The following HACD1 variants were observed in gnomAD, a reference collection of about 807,000 sequenced individuals.
The protein encoded by HACD1 is very-long-chain (3R)-3-hydroxyacyl-CoA dehydratase 1.
A neutral mutation model predicts 32.0 loss-of-function variants in HACD1; 41 were observed. That is an observed-to-expected ratio of 1.28 (90% CI 1.00 to 1.66). HACD1 has a LOEUF of 1.66. HACD1 is among the 40% of genes most tolerant of loss of function. HACD1 has a pLI of 0.00. For synonymous variants in HACD1, 142 were observed against 139.0 expected, an observed-to-expected ratio of 1.02 and a Z score of -0.15; for missense variants, 396 against 380.1, an observed-to-expected ratio of 1.04 and a Z score of -0.35.
At position 17,617,244 on chromosome 10, in the gene HACD1, C is replaced by T. The variant is rs2131528268; in HGVS notation, c.96G>A (p.Thr32=). The change falls in exon 1 of 7, where the codon ACG becomes ACA. Residue 32 remains threonine, a synonymous_variant. Transcript: ENST00000361271. ...SPPTLLPLSP[T]SPRCAATMAS... ...CCATGGTGGCCGCGCACCTGGGGGA[C>T]GTGGGAGACAGCGGCAGGAGCGTGG... The T allele has an allele frequency of 4.0e-6, 6 of 1,481,512 alleles. No homozygotes were observed. Among genetic ancestry groups the T allele is most frequent in the Non-Finnish European group, 5.4e-6 (6 of 1,121,474 alleles). 91.8% of individuals were successfully genotyped at this position (1,481,512 alleles called of 1,614,324 possible).
In HACD1 at chr10:17,589,069, CT is replaced by C. The variant is rs1177550735; in HGVS notation, c.*1294del. ...TTTTTATTAAACACAAGGACAGGAA[CT>C]TTATTACAAGACCTTTTGCTATTCA... On this transcript the variant is annotated 3_prime_UTR_variant, in exon 7 of 7. Transcript: ENST00000361271. The C allele has an allele frequency of 1.3e-5, 2 of 152,038 alleles. No homozygotes were observed. The highest frequency in any genetic ancestry group is 2.9e-5 in the Non-Finnish European group (2 of 68,010). 9.4% of individuals were successfully genotyped at this position (152,038 alleles called of 1,614,324 possible). A position where few individuals can be genotyped will look rare whatever the true frequency, so the allele number is the denominator to read the frequency against.
At chr10:17,602,072 A>ATTT (rs374433598) in intron 4 of HACD1, among the ~76,000 whole-genome samples, 16 of 144,226 alleles carry the variant, frequency 1.1e-4, no homozygotes, top group South Asian at 2.2e-4. Flanking sequence ...CATGGGTTTA[A>ATTT]TTTTTTTTTT....
rs987768179 is a variant in HACD1, at chr10:17,617,160, C to A, written c.180G>T (p.Glu60Asp). 1.9e-5 allele frequency: 28 copies of A among 1,505,920 alleles called. No homozygotes were observed. The highest frequency in any genetic ancestry group is 5.8e-5 in the African/African-American group (4 of 69,230). The allele number at this position is 1,505,920 out of a possible 1,614,324, so 93.3% of individuals were successfully genotyped here. ...CCAGGCGCCTCCGCTCGCCGGGAGC[C>A]TCCCGGTCCTCGCCGGCCTCCGAGG... is the stretch of plus-strand genomic sequence containing the variant. ...GGASEAGEDR[E>D]APGERRRLGV... The change falls in exon 1 of 7, where the codon GAG becomes GAT. Residue 60 changes from glutamate (E) to aspartate (D), a missense_variant. Physicochemically the swap from Glu to Asp is conservative, Grantham distance 45. Transcript: ENST00000361271.
chr10:17,615,828 G>A (rs1026238465), intron 1 of HACD1: 9 of 431,978 alleles, frequency 2.1e-5, no homozygotes, highest in East Asian at 8.0e-5. Context: ...TTAATGGGGC[G>A]TGGTGGCCCA....
chr10:17,615,793 C>T (rs1554817956), intron 1 of HACD1: 2 of 426,740 alleles, frequency 4.7e-6, no homozygotes, highest in South Asian at 3.3e-5. Flanking sequence ...ATGGTGATAC[C>T]CTGTCTCTAC....
intron 1 of HACD1, among the ~76,000 whole-genome samples, chr10:17,607,222 A>T (rs2357288): frequency 0.11 from 16,961 of 152,112 alleles, 1,006 homozygotes; most frequent in East Asian, 0.24. Context: ...TCTTAGAGTA[A>T]GTTCATGACT....
At chr10:17,599,228 C>T (rs1025460115) in intron 5 of HACD1, 62 bp downstream of exon 5, 11 of 1,585,782 alleles carry the variant, frequency 6.9e-6, no homozygotes, top group Admixed American at 1.8e-5. Flanking sequence ...AATTCTCTGG[C>T]GTTAGCACAC....
rs1554816793 is a variant in HACD1, at chr10:17,603,868, A to C, written c.375+62T>G. On this transcript the variant is annotated intron_variant, in intron 2 of 6. Transcript: ENST00000361271. ...ATCAGCAAAATCATATTGATTTTGC[A>C]CAACAAAAAATGTTCACATAAATAT... is the stretch of plus-strand genomic sequence containing the variant. 2.7e-6 allele frequency: 4 copies of C among 1,499,782 alleles called. No individual in the cohort carries two copies. In the South Asian group the frequency reaches 3.5e-5, roughly 13 times the overall value. The allele number at this position is 1,499,782 out of a possible 1,614,324, so 92.9% of individuals were successfully genotyped here.
At chr10:17,604,480 CA>C (rs11354623) in intron 1 of HACD1, among the ~76,000 whole-genome samples, 32,587 of 82,286 alleles carry the variant, frequency 0.4, 2,593 homozygotes, top group South Asian at 0.42. Context: ...CTGTCCGTCT[CA>C]AAAAAAAAAA....
chr10:17,595,505 A>T lies in HACD1; in HGVS notation c.606-1122T>A, dbSNP rs537947274. Among the ~76,000 whole-genome samples, 8 of 152,274 alleles carry T rather than the reference A, an allele frequency of 5.3e-5. No individual in the cohort carries two copies. In the South Asian group the frequency reaches 1.7e-3, roughly 32 times the overall value. On this transcript the variant is annotated intron_variant, in intron 5 of 6. Coordinates refer to ENST00000361271, the MANE Select transcript of HACD1 (RefSeq NM_014241.4). ...AGTTCCTGAATTCCCACATTAAAAG[A>T]AGAGTGAGCTTGTTTAAAGTAGAGT...
intron 1 of HACD1, among the ~76,000 whole-genome samples, chr10:17,606,290 A>T (rs1284496537): frequency 1.3e-5 from 2 of 152,254 alleles, no homozygotes; most frequent in Non-Finnish European, 2.9e-5. Context: ...CGTGCTTTAA[A>T]TATAAGCTAG....
chr10:17,603,771 A>T, intron 2 of HACD1, 27 bp from the exon 3 acceptor site: 1 of 1,584,600 alleles, frequency 6.3e-7, no homozygotes, highest in Non-Finnish European at 8.7e-7. Context: ...AAAAATCATT[A>T]CGTCAATAAT....
Position 17,617,330 on chromosome 10 carries a change from G to A in HACD1, c.10C>T (p.Leu4=), listed in dbSNP as rs1554818298. 18 of 1,430,830 alleles carry A rather than the reference G, an allele frequency of 1.3e-5. No individual in the cohort carries two copies. The highest frequency in any genetic ancestry group is 1.6e-5 in the Non-Finnish European group (18 of 1,098,380). 88.6% of individuals were successfully genotyped at this position (1,430,830 alleles called of 1,614,324 possible). MGR[L]TEAAAAGSGS... ...CTGCCCGCTGCCGCCGCTTCCGTCA[G>A]GCGCCCCATGTGCAGCGCGCAGGGG... Residue 4 remains leucine, a synonymous_variant, in exon 1 of 7, where the codon CTG becomes TTG. Coordinates refer to ENST00000361271, the MANE Select transcript of HACD1 (RefSeq NM_014241.4).
intron 1 of HACD1, among the ~76,000 whole-genome samples, chr10:17,609,908 C>T (rs532873284): frequency 2.6e-4 from 39 of 150,310 alleles, no homozygotes; most frequent in Non-Finnish European, 4.3e-4. Flanking sequence ...CGTTTGAATC[C>T]GCAGGCAGAG....
chr10:17,600,370 T>C (rs1341788633), intron 4 of HACD1, among the ~76,000 whole-genome samples: 1 of 152,146 alleles, frequency 6.6e-6, no homozygotes, highest in Non-Finnish European at 1.5e-5. Flanking sequence ...GACGGAGTCT[T>C]GCTGTGTCAC....
At chr10:17,596,697 C>T (rs547425580) in intron 5 of HACD1, among the ~76,000 whole-genome samples, 1 of 151,728 alleles carries the variant, frequency 6.6e-6, no homozygotes, top group Non-Finnish European at 1.5e-5. Context: ...GGATAGACCA[C>T]ATTAAAAAAA....
intron 5 of HACD1, 78 bp from the exon 6 acceptor site, chr10:17,594,461 C>A: frequency 8.8e-7 from 1 of 1,136,392 alleles, no homozygotes; most frequent in Non-Finnish European, 1.2e-6. Flanking sequence ...ATTGCTACTA[C>A]TAAATTTAAA....
At chr10:17,604,935 A>C (rs1038172003) in intron 1 of HACD1, among the ~76,000 whole-genome samples, 10 of 152,248 alleles carry the variant, frequency 6.6e-5, no homozygotes, top group African/African-American at 2.4e-4. Context: ...CAAACTCCTG[A>C]ACTCAAGTGA....
At chr10:17,605,811 G>A (rs150361673) in intron 1 of HACD1, among the ~76,000 whole-genome samples, 1,542 of 151,746 alleles carry the variant, frequency 0.01, 13 homozygotes, top group Non-Finnish European at 0.014. Context: ...AAACTTAGCC[G>A]GGTGTGCCGG....
Sources: gnomAD v4.1 joint callset for allele counts (sites outside exome capture counted in the v4.1 genomes callset) on GRCh38, gnomAD v4.1.1 for gene constraint, MANE v1.5 for transcripts, NCBI Gene and HGNC (gene_info 2026-07-23, HGNC 2026-07-21) for gene names.